The following EPN2 variants were observed in gnomAD, a reference collection of about 807,000 sequenced individuals.
EPN2 encodes epsin 2, also known as epsin-2.
Under a neutral mutation model 61.7 loss-of-function variants are expected in EPN2, and 34 were observed. That is an observed-to-expected ratio of 0.55 (90% CI 0.42 to 0.73). EPN2 has a LOEUF of 0.73. Ranked by LOEUF, EPN2 falls within the 30% of genes least tolerant of loss-of-function variation. EPN2 has a pLI of 0.00. For missense variants in EPN2, 714 were observed against 839.2 expected (o/e 0.85, Z 1.84); for synonymous variants, 349 against 353.6 (o/e 0.99, Z 0.15).
At chr17:19,322,238 G>A (rs1906671358) in intron 7 of EPN2, among the ~76,000 whole-genome samples, 1 of 152,204 alleles carries the variant, frequency 6.6e-6, no homozygotes, top group Non-Finnish European at 1.5e-5. Context: ...CCAAACAGGA[G>A]TGGACAGGCC....
In EPN2 at chr17:19,296,286, G is replaced by A. The variant is rs1033336841; in HGVS notation, c.766+10496G>A. Among the ~76,000 whole-genome samples the A allele has an allele frequency of 1.2e-4, 18 of 152,088 alleles. No homozygotes were observed. The East Asian group carries it at 3.5e-3, about 29-fold the overall frequency. The stretch of plus-strand genomic sequence containing the variant: ...ATGTCTCAGCCTCCCGAGTAGCTGG[G>A]ACTACAGGTGCGTGCCACCACGCCC... On this transcript the variant is annotated intron_variant, in intron 4 of 10. Transcript: ENST00000314728.
chr17:19,330,258 C>G (rs1907096766), intron 9 of EPN2, among the ~76,000 whole-genome samples: 1 of 152,206 alleles, frequency 6.6e-6, no homozygotes. Context: ...CAGCCTCTGT[C>G]CATCTCTGGG....
chr17:19,309,111 G>A (rs866452008), intron 4 of EPN2, among the ~76,000 whole-genome samples: 9 of 150,760 alleles, frequency 6.0e-5, no homozygotes, highest in Middle Eastern at 3.4e-3. Context: ...CCATGATCTC[G>A]TAGTAACACT....
intron 7 of EPN2, among the ~76,000 whole-genome samples, chr17:19,327,531 C>T (rs1050334404): frequency 2.6e-5 from 4 of 151,936 alleles, no homozygotes; most frequent in South Asian, 2.1e-4. Flanking sequence ...AAAAATTAGC[C>T]GGGCGTGGTG....
chr17:19,239,760 G>A (rs1189874176), intron 1 of EPN2, among the ~76,000 whole-genome samples: 1 of 152,202 alleles, frequency 6.6e-6, no homozygotes, highest in Non-Finnish European at 1.5e-5. Context: ...GGAGAGCTCT[G>A]TGGAAAACTT....
In EPN2 at chr17:19,283,307, G is replaced by A. The variant is rs200979660; in HGVS notation, c.188G>A (p.Arg63Gln). ...FSEIMSMVWK[R>Q]LNDHGKNWRH... is the part of the protein sequence containing the mutation. ...GAGATCATGAGCATGGTGTGGAAGC[G>A]GCTGAATGACCATGGCAAGAACTGG... Residue 63 changes from arginine to glutamine, a missense_variant, in exon 3 of 11, where the codon CGG becomes CAG. Coordinates refer to ENST00000314728, the MANE Select transcript of EPN2 (RefSeq NM_014964.5). This position sits in a 1 kb window ranked among gnomAD's most constrained non-coding sequence, Gnocchi z 7.0. The A allele has an allele frequency of 6.2e-7, 1 of 1,614,134 alleles. No homozygotes were observed. Among genetic ancestry groups the A allele is most frequent in the Non-Finnish European group, 8.5e-7 (1 of 1,180,022 alleles).
At chr17:19,250,874 C>A (rs1478946767) in intron 1 of EPN2, among the ~76,000 whole-genome samples, 1 of 149,886 alleles carries the variant, frequency 6.7e-6, no homozygotes, top group African/African-American at 2.4e-5. Context: ...TGCCTCTATA[C>A]CCTTTCCCTG....
intron 4 of EPN2, among the ~76,000 whole-genome samples, chr17:19,301,781 C>A (rs1234113590): frequency 6.6e-6 from 1 of 152,230 alleles, no homozygotes; most frequent in African/African-American, 2.4e-5. Flanking sequence ...CTCTCCTCTT[C>A]CCCACCCTGC....
intron 1 of EPN2, among the ~76,000 whole-genome samples, chr17:19,255,338 T>A (rs2045062653): frequency 6.6e-6 from 1 of 152,128 alleles, no homozygotes; most frequent in South Asian, 2.1e-4. Context: ...AGCCATCATT[T>A]CCTAGCTGTA....
At chr17:19,323,740 A>T (rs1175758645) in intron 7 of EPN2, among the ~76,000 whole-genome samples, 1 of 152,246 alleles carries the variant, frequency 6.6e-6, no homozygotes, top group African/African-American at 2.4e-5. Flanking sequence ...TTTAAAAAAG[A>T]TATTTTAAAT....
chr17:19,331,742 C>T (rs1382842926), intron 9 of EPN2, 111 bp from the exon 10 acceptor site: 19 of 862,954 alleles, frequency 2.2e-5, no homozygotes, highest in South Asian at 7.3e-5. Flanking sequence ...TGTGTCGTCA[C>T]GTGGCGCTGT....
chr17:19,293,534 C>CTTTTTTTTTTTTTTT (rs71155390), intron 4 of EPN2, among the ~76,000 whole-genome samples: 113 of 52,324 alleles, frequency 2.2e-3, no homozygotes, highest in Non-Finnish European at 2.4e-3. Context: ...CCATACCCAG[C>CTTTTTTTTTTTTTTT]TTTTTTTTTT....
intron 1 of EPN2, among the ~76,000 whole-genome samples, chr17:19,272,292 G>T (rs1443310133): frequency 1.3e-5 from 2 of 152,186 alleles, no homozygotes; most frequent in African/African-American, 4.8e-5. Flanking sequence ...GGTTCTGAAG[G>T]CTGCTTTTCA....
chr17:19,329,451 G>A (rs1244587453), intron 8 of EPN2, 110 bp from the exon 9 acceptor site: 5 of 659,530 alleles, frequency 7.6e-6, no homozygotes, highest in South Asian at 2.1e-5. Context: ...GGTAGGGTAA[G>A]CGGGGAGAGG....
At chr17:19,316,560 A>G (rs1446977065) in intron 7 of EPN2, among the ~76,000 whole-genome samples, 5 of 152,350 alleles carry the variant, frequency 3.3e-5, no homozygotes, top group Middle Eastern at 3.4e-3. Context: ...ACAAATTCCA[A>G]TATGGAGAGA....
chr17:19,332,932 C>A (rs2081510311), intron 10 of EPN2, among the ~76,000 whole-genome samples: 1 of 152,228 alleles, frequency 6.6e-6, no homozygotes, highest in Admixed American at 6.5e-5. Flanking sequence ...GGATCTTGGG[C>A]CACCGTCCCT....
intron 4 of EPN2, among the ~76,000 whole-genome samples, chr17:19,295,618 G>A (rs752319857): frequency 3.3e-5 from 5 of 152,134 alleles, no homozygotes; most frequent in Non-Finnish European, 7.3e-5. Flanking sequence ...GTGGTTTCTC[G>A]ATGCTTTAAG....
chr17:19,286,925 C>T (rs772078342), intron 4 of EPN2, among the ~76,000 whole-genome samples: 1 of 152,166 alleles, frequency 6.6e-6, no homozygotes, highest in Non-Finnish European at 1.5e-5. Context: ...TTTCACCCCC[C>T]CAGATAGTCA....
intron 7 of EPN2, among the ~76,000 whole-genome samples, chr17:19,327,998 T>C (rs1906967954): frequency 6.6e-6 from 1 of 152,220 alleles, no homozygotes; most frequent in Admixed American, 6.5e-5. Flanking sequence ...CATCACAGCG[T>C]TGACACTTAA....
Sources: allele counts gnomAD v4.1 joint callset (sites outside exome capture counted in the v4.1 genomes callset), GRCh38; gene constraint gnomAD v4.1.1; non-coding constraint Gnocchi (gnomAD v3.1); transcripts MANE v1.5; gene names NCBI Gene and HGNC (gene_info 2026-07-23, HGNC 2026-07-21).